GPM6A: variants seen among roughly 807,000 people sequenced by gnomAD.
The protein encoded by GPM6A is glycoprotein M6A, also known as neuronal membrane glycoprotein M6-a.
Under a neutral mutation model 32.1 loss-of-function variants are expected in GPM6A, and 7 were observed. The observed-to-expected ratio is 0.22, with a 90% CI of 0.12 to 0.41. GPM6A has a LOEUF of 0.41. GPM6A is among the 10% of genes least tolerant of loss of function. The pLI is 1.00. For missense variants in GPM6A, 235 were observed against 347.2 expected (o/e 0.68, Z 2.57); for synonymous variants, 130 against 123.4 (o/e 1.05, Z -0.35).
chr4:175,945,879 T>C (rs979327825), intron 1 of GPM6A, among the ~76,000 whole-genome samples: 1 of 147,532 alleles, frequency 6.8e-6, no homozygotes, highest in Non-Finnish European at 1.5e-5. Flanking sequence ...AACTCAGTAA[T>C]ACGGGTGCAT....
At chr4:175,877,576 T>A (rs1737124625) in intron 1 of GPM6A, among the ~76,000 whole-genome samples, 1 of 152,012 alleles carries the variant, frequency 6.6e-6, no homozygotes, top group Non-Finnish European at 1.5e-5. Flanking sequence ...TATGAAACCA[T>A]CAAATGTTGT....
chr4:175,931,919 C>CA (rs1292213246), intron 1 of GPM6A, among the ~76,000 whole-genome samples: 1 of 151,324 alleles, frequency 6.6e-6, no homozygotes, highest in Non-Finnish European at 1.5e-5. Context: ...ACCTCAGCTA[C>CA]AAAAAATAAT....
At chr4:175,923,341 T>C (rs2111529754) in intron 1 of GPM6A, among the ~76,000 whole-genome samples, 1 of 148,656 alleles carries the variant, frequency 6.7e-6, no homozygotes, top group African/African-American at 2.5e-5. Flanking sequence ...GGAATGTGTA[T>C]GAGCACATTG....
intron 1 of GPM6A, among the ~76,000 whole-genome samples, chr4:175,838,624 AT>A (rs1244417578): frequency 7.1e-6 from 1 of 141,178 alleles, no homozygotes; most frequent in Non-Finnish European, 1.5e-5. Context: ...AACAAAGGAT[AT>A]GGTGGTTTCT....
At chr4:175,726,266 TG>T (rs756568912) in intron 1 of GPM6A, among the ~76,000 whole-genome samples, 23 of 152,174 alleles carry the variant, frequency 1.5e-4, no homozygotes, top group Non-Finnish European at 5.9e-5. Flanking sequence ...CCCAAAGTGC[TG>T]GGATTACAGG....
intron 1 of GPM6A, among the ~76,000 whole-genome samples, chr4:175,945,690 T>G (rs1321611681): frequency 9.5e-6 from 1 of 105,728 alleles, no homozygotes; most frequent in Non-Finnish European, 2.3e-5. Context: ...GTAATATAAC[T>G]TATATTACTT....
At chr4:175,734,152 AT>A (rs1731552112) in intron 1 of GPM6A, among the ~76,000 whole-genome samples, 1 of 143,120 alleles carries the variant, frequency 7.0e-6, no homozygotes, top group Admixed American at 7.0e-5. Context: ...ATATATATAT[AT>A]ATATATATTT....
At position 175,758,297 on chromosome 4, in the gene GPM6A, G is replaced by GA. The variant is rs577049488; in HGVS notation, c.37+53893dup. 4.3e-3 allele frequency among the ~76,000 whole-genome samples: 656 copies of GA among 152,048 alleles called. 3 individuals carry two copies. The highest frequency in any genetic ancestry group is 6.9e-3 in the Non-Finnish European group (469 of 67,982). ...TATTCCATTTCTTTTTTAAAAATTG[G>GA]AAAAAATATAAAGTGCCATAAGAAA... is the stretch of plus-strand genomic sequence containing the variant. On this transcript the variant is annotated intron_variant, in intron 1 of 6. Coordinates refer to ENST00000393658, the MANE Select transcript of GPM6A (RefSeq NM_201591.3).
intron 1 of GPM6A, among the ~76,000 whole-genome samples, chr4:175,703,335 C>T (rs751646578): frequency 1.3e-5 from 2 of 152,066 alleles, no homozygotes; most frequent in Non-Finnish European, 2.9e-5. Context: ...CCACACCTGG[C>T]TATTTTTTGT....
At chr4:175,860,620 A>G (rs1010524592) in intron 1 of GPM6A, among the ~76,000 whole-genome samples, 3 of 152,186 alleles carry the variant, frequency 2.0e-5, no homozygotes, top group African/African-American at 7.2e-5. Context: ...CTAGAAGCCA[A>G]ATATTATGGT....
intron 2 of GPM6A, among the ~76,000 whole-genome samples, chr4:175,695,461 G>C (rs1011485785): frequency 6.6e-6 from 1 of 152,176 alleles, no homozygotes; most frequent in Non-Finnish European, 1.5e-5. Flanking sequence ...CAAGATGTGA[G>C]ACACGAAGTC....
intron 1 of GPM6A, among the ~76,000 whole-genome samples, chr4:175,935,006 C>G (rs1209117237): frequency 6.6e-6 from 1 of 152,146 alleles, no homozygotes; most frequent in Admixed American, 6.5e-5. Flanking sequence ...ATATTAAGAA[C>G]TGTTTGTTAT....
At chr4:175,822,735 T>C (rs901950465) in intron 1 of GPM6A, among the ~76,000 whole-genome samples, 19 of 151,992 alleles carry the variant, frequency 1.3e-4, no homozygotes, top group African/African-American at 4.3e-4. Flanking sequence ...TAGGTATACA[T>C]GTGCCATGGT....
intron 1 of GPM6A, among the ~76,000 whole-genome samples, chr4:175,788,777 C>T (rs1733899100): frequency 6.6e-6 from 1 of 152,094 alleles, no homozygotes; most frequent in Non-Finnish European, 1.5e-5. Flanking sequence ...CCTATCCACC[C>T]TTTAATAGTT....
intron 1 of GPM6A, among the ~76,000 whole-genome samples, chr4:175,877,809 T>C (rs1737133069): frequency 6.6e-6 from 1 of 152,198 alleles, no homozygotes; most frequent in South Asian, 2.1e-4. Flanking sequence ...CCCTAAATTG[T>C]TAACTCATTC....
chr4:175,650,202 G>A (rs1741702082), intron 4 of GPM6A, among the ~76,000 whole-genome samples: 1 of 151,986 alleles, frequency 6.6e-6, no homozygotes, highest in Non-Finnish European at 1.5e-5. Context: ...TATTATGTGA[G>A]ATTTTTGCCC....
chr4:175,664,516 A>G lies in GPM6A; in HGVS notation c.387+9164T>C, dbSNP rs1742622966. ...AAAATTGCTCTAAAAAATAAAGTTA[A>G]CTTTTAAAAACTAACTGCAATACTT... On this transcript the variant is annotated intron_variant, in intron 3 of 6. Coordinates refer to ENST00000393658, the MANE Select transcript of GPM6A (RefSeq NM_201591.3). Among the ~76,000 whole-genome samples, 4 of 152,176 alleles carry G rather than the reference A, an allele frequency of 2.6e-5. No homozygotes were observed. In the South Asian group the frequency reaches 8.3e-4, roughly 32 times the overall value.
chr4:175,831,715 C>CTTTTTTTTTTTT (rs780096379), intron 1 of GPM6A, among the ~76,000 whole-genome samples: 1 of 69,938 alleles, frequency 1.4e-5, no homozygotes, highest in Non-Finnish European at 2.5e-5. Flanking sequence ...TTAGCCATCT[C>CTTTTTTTTTTTT]TTTTTTTTTT....
At chr4:175,668,831 A>C (rs1742894217) in intron 3 of GPM6A, among the ~76,000 whole-genome samples, 1 of 152,206 alleles carries the variant, frequency 6.6e-6, no homozygotes, top group African/African-American at 2.4e-5. Flanking sequence ...GCAAAACAGA[A>C]AATGACTGCT....
Sources: gnomAD v4.1 joint callset for allele counts (sites outside exome capture counted in the v4.1 genomes callset) on GRCh38, gnomAD v4.1.1 for gene constraint, MANE v1.5 for transcripts, NCBI Gene and HGNC (gene_info 2026-07-23, HGNC 2026-07-21) for gene names.